PHACTR4: variants seen among roughly 807,000 people sequenced by gnomAD.
PHACTR4 encodes protein phosphatase 1, regulatory subunit 124.
A neutral mutation model predicts 72.7 loss-of-function variants in PHACTR4; 51 were observed. The ratio of observed to expected loss-of-function variants is 0.70; its 90% CI spans 0.56 to 0.89. PHACTR4 has a LOEUF of 0.89. Among genes scored for constraint, PHACTR4 ranks in the 40% least tolerant of loss-of-function variants. The pLI, the probability that PHACTR4 is intolerant of heterozygous loss-of-function variation, is 0.00. For synonymous variants in PHACTR4, 255 were observed against 302.5 expected, an observed-to-expected ratio of 0.84 and a Z score of 1.63; for missense variants, 731 against 861.8, an observed-to-expected ratio of 0.85 and a Z score of 1.90.
At chr1:28,477,239 C>T (rs923702912) in intron 8 of PHACTR4, among the ~76,000 whole-genome samples, 4 of 151,978 alleles carry the variant, frequency 2.6e-5, no homozygotes, top group Non-Finnish European at 5.9e-5. Context: ...GCGTCTGCCA[C>T]TAGGCCCAGC....
At chr1:28,391,026 A>G (rs555300995) in intron 1 of PHACTR4, among the ~76,000 whole-genome samples, 1 of 146,056 alleles carries the variant, frequency 6.8e-6, no homozygotes, top group Non-Finnish European at 1.5e-5. Context: ...GAGCCCAGGG[A>G]GGTTGAGGCT....
intron 1 of PHACTR4, among the ~76,000 whole-genome samples, chr1:28,401,420 C>T (rs1271093010): frequency 4.0e-5 from 6 of 151,164 alleles, no homozygotes; most frequent in Non-Finnish European, 7.4e-5. Context: ...CATTTTCCTG[C>T]CTCAGCCTCC....
chr1:28,454,550 C>T (rs1163125128), intron 2 of PHACTR4, among the ~76,000 whole-genome samples: 6 of 152,038 alleles, frequency 3.9e-5, no homozygotes, highest in South Asian at 2.1e-4. Flanking sequence ...AGGTGTGAGC[C>T]GCCGCGCCCG....
At chr1:28,431,196 A>AATATATATAT (rs369455985) in intron 2 of PHACTR4, among the ~76,000 whole-genome samples, 1 of 128,252 alleles carries the variant, frequency 7.8e-6, no homozygotes, top group African/African-American at 2.9e-5. Flanking sequence ...AAAAAACCAA[A>AATATATATAT]ATATATATAT....
chr1:28,384,563 A>G (rs1289242766), intron 1 of PHACTR4, among the ~76,000 whole-genome samples: 1 of 151,720 alleles, frequency 6.6e-6, no homozygotes, highest in Non-Finnish European at 1.5e-5. Flanking sequence ...TTTTGTCTTT[A>G]TTAGTCTAGC....
chr1:28,484,582 A>G (rs755566372), intron 9 of PHACTR4, among the ~76,000 whole-genome samples: 1 of 151,542 alleles, frequency 6.6e-6, no homozygotes, highest in African/African-American at 2.4e-5. Context: ...TATGTAATAT[A>G]TATGTGTACG....
chr1:28,471,071 G>A (rs554166743), intron 6 of PHACTR4, among the ~76,000 whole-genome samples: 2 of 151,490 alleles, frequency 1.3e-5, no homozygotes, highest in African/African-American at 4.8e-5. Context: ...AGCCTTGGCC[G>A]GGCAAAGCGG....
At position 28,500,327 on chromosome 1, in the gene PHACTR4, TATTA is replaced by T. The variant is rs1041388457; in HGVS notation, c.*3783_*3786del. ...CATTGTATATCAGTCTTCTCATCAA[TATTA>T]ATTATTAAATATTTTAGAATTTTTA... On this transcript the variant is annotated 3_prime_UTR_variant, in exon 14 of 14. Coordinates refer to ENST00000373839, the MANE Select transcript of PHACTR4 (RefSeq NM_001048183.3). 1.8e-4 allele frequency: 27 copies of T among 152,282 alleles called. No homozygotes were observed. The highest frequency in any genetic ancestry group is 6.5e-4 in the African/African-American group (27 of 41,566). 9.4% of individuals were successfully genotyped at this position (152,282 alleles called of 1,614,324 possible).
At chr1:28,492,243 C>G (rs1457782103) in intron 12 of PHACTR4, among the ~76,000 whole-genome samples, 1 of 152,032 alleles carries the variant, frequency 6.6e-6, no homozygotes, top group Non-Finnish European at 1.5e-5. Flanking sequence ...TCGAGACCAG[C>G]CTGGCCAACA....
At chr1:28,484,436 A>C (rs1246833380) in intron 9 of PHACTR4, among the ~76,000 whole-genome samples, 1 of 152,072 alleles carries the variant, frequency 6.6e-6, no homozygotes. Flanking sequence ...TAGACAGGGC[A>C]TAAATATAGT....
chr1:28,445,740 A>G (rs1225241295), intron 2 of PHACTR4, among the ~76,000 whole-genome samples: 2 of 152,078 alleles, frequency 1.3e-5, no homozygotes, highest in Non-Finnish European at 2.9e-5. Flanking sequence ...AAAAAAATGT[A>G]ACAATTAGTC....
intron 1 of PHACTR4, among the ~76,000 whole-genome samples, chr1:28,404,505 A>G (rs1444597594): frequency 2.7e-5 from 4 of 149,264 alleles, no homozygotes; most frequent in African/African-American, 9.9e-5. Context: ...CTGGTCTCGA[A>G]CTCCTGACCT....
intron 2 of PHACTR4, among the ~76,000 whole-genome samples, chr1:28,436,518 A>G (rs1306899559): frequency 6.6e-6 from 1 of 152,186 alleles, no homozygotes; most frequent in Admixed American, 6.5e-5. Flanking sequence ...AGGGTAAATA[A>G]ATATACCTCA....
Position 28,476,271 on chromosome 1 carries a change from A to G in PHACTR4, c.1586A>G (p.Asp529Gly), listed in dbSNP as rs767472200. ...CCCATTCAGTACCGAGATGAAGAAG[A>G]TGAAGATGAAAGCTATCAGAGTAAG... ...EGPIQYRDEE[D>G]EDESYQSALA... Residue 529 changes from aspartate (D) to glycine (G), a missense_variant, in exon 8 of 14, where the codon GAT (aspartate) becomes GGT (glycine). Physicochemically the swap from Asp to Gly is moderately conservative, Grantham distance 94. This residue lies in a region of PHACTR4 where 621 missense variants were observed against 676.6 expected (regional missense o/e 0.92). Coordinates refer to ENST00000373839, the MANE Select transcript of PHACTR4 (RefSeq NM_001048183.3). 1.9e-6 allele frequency: 3 copies of G among 1,600,598 alleles called. No individual in the cohort carries two copies. Among genetic ancestry groups the G allele is most frequent in the Non-Finnish European group, 2.6e-6 (3 of 1,176,368 alleles).
At chr1:28,483,198 G>T (rs1203811199) in intron 9 of PHACTR4, among the ~76,000 whole-genome samples, 1 of 151,860 alleles carries the variant, frequency 6.6e-6, no homozygotes, top group Non-Finnish European at 1.5e-5. Context: ...GAGCCCAGGA[G>T]TTCGAGGCAA....
intron 1 of PHACTR4, among the ~76,000 whole-genome samples, chr1:28,404,758 G>GT (rs1180394999): frequency 2.0e-5 from 3 of 152,132 alleles, no homozygotes; most frequent in African/African-American, 7.2e-5. Context: ...TACTTGTTAT[G>GT]TATTTATTTA....
chr1:28,488,313 C>T (rs897832314), intron 9 of PHACTR4, among the ~76,000 whole-genome samples: 20 of 151,198 alleles, frequency 1.3e-4, no homozygotes, highest in Admixed American at 5.3e-4. Flanking sequence ...CTGGCTAACA[C>T]GGTGAAACCC....
In PHACTR4 at chr1:28,476,186, A is replaced by G; in HGVS notation, c.1501A>G (p.Lys501Glu). Reference protein sequence around the residue: ...EEMTPTSVIPKLPQCLREEEE... With the variant: ...EEMTPTSVIPELPQCLREEEE... Reference sequence around the variant, plus strand: ...AATGACACCTACCTCAGTCATTCCTAAATTACCACAGTGTCTACGGGAGGA... The same window carrying G: ...AATGACACCTACCTCAGTCATTCCTGAATTACCACAGTGTCTACGGGAGGA... Residue 501 changes from lysine (K) to glutamate (E), a missense_variant, in exon 8 of 14, where the codon AAA becomes GAA. By Grantham distance (56) the Lys-to-Glu change is moderately conservative. This residue lies in a region of PHACTR4 where 621 missense variants were observed against 676.6 expected (regional missense o/e 0.92). Transcript: ENST00000373839. The G allele has an allele frequency of 6.2e-7, 1 of 1,614,060 alleles. No homozygotes were observed. Among genetic ancestry groups the G allele is most frequent in the Non-Finnish European group, 8.5e-7 (1 of 1,179,966 alleles).
intron 1 of PHACTR4, among the ~76,000 whole-genome samples, chr1:28,373,003 G>T (rs933370322): frequency 3.9e-5 from 6 of 151,920 alleles, no homozygotes; most frequent in Non-Finnish European, 7.4e-5. Flanking sequence ...CTGTCCCCCA[G>T]GTGGAGTAAA....
Sources: allele counts gnomAD v4.1 joint callset (sites outside exome capture counted in the v4.1 genomes callset), GRCh38; gene constraint gnomAD v4.1.1; regional missense constraint gnomAD v4.1.1; transcripts MANE v1.5; gene names NCBI Gene and HGNC (gene_info 2026-07-23, HGNC 2026-07-21).